Variants in TTLL11 observed in about 807,000 individuals in gnomAD.
TTLL11 encodes the protein tubulin tyrosine ligase like 11, also known as tubulin polyglutamylase TTLL11.
A neutral mutation model predicts 51.7 loss-of-function variants in TTLL11; 42 were observed. The observed-to-expected ratio is 0.81, with a 90% confidence interval of 0.64 to 1.05. The LOEUF is 1.05. Among genes scored for constraint, TTLL11 ranks in the 50% least tolerant of loss-of-function variants. The pLI is 0.00. For missense variants in TTLL11, 799 were observed against 940.4 expected, an observed-to-expected ratio of 0.85 and a Z score of 1.97; for synonymous variants, 381 against 383.5, an observed-to-expected ratio of 0.99 and a Z score of 0.08.
chr9:121,861,484 G>C (rs1327246052), intron 7 of TTLL11, among the ~76,000 whole-genome samples: 1 of 151,980 alleles, frequency 6.6e-6, no homozygotes, highest in East Asian at 1.9e-4. Context: ...CTATAAAACA[G>C]GTGGTCTTTA....
intron 8 of TTLL11, among the ~76,000 whole-genome samples, chr9:121,823,988 C>A (rs1836666365): frequency 6.6e-6 from 1 of 152,164 alleles, no homozygotes; most frequent in African/African-American, 2.4e-5. Flanking sequence ...GCGACTTGCT[C>A]TGTGTCTATC....
At chr9:121,859,725 G>A (rs575588260) in intron 8 of TTLL11, among the ~76,000 whole-genome samples, 1 of 152,276 alleles carries the variant, frequency 6.6e-6, no homozygotes, top group South Asian at 2.1e-4. Context: ...GCCCATCTGG[G>A]CTACTTGGTA....
At chr9:121,828,530 T>C (rs573854366) in intron 8 of TTLL11, among the ~76,000 whole-genome samples, 5 of 152,346 alleles carry the variant, frequency 3.3e-5, no homozygotes, top group Admixed American at 6.5e-5. Context: ...TATGTTGCTA[T>C]GCAGCCTTTA....
chr9:121,899,365 G>GTGTATATATATACATATATATA (rs1226221957), intron 6 of TTLL11, among the ~76,000 whole-genome samples: 72 of 113,134 alleles, frequency 6.4e-4, no homozygotes, highest in Non-Finnish European at 9.2e-4. Context: ...ATGTGTGTGT[G>GTGTATATATATACATATATATA]TATATATATA....
At chr9:122,024,627 C>G (rs2131789275) in intron 3 of TTLL11, among the ~76,000 whole-genome samples, 1 of 152,288 alleles carries the variant, frequency 6.6e-6, no homozygotes, top group East Asian at 1.9e-4. Flanking sequence ...TATACCTACA[C>G]ATATTTGGAT....
At chr9:121,916,520 A>C (rs1840332754) in intron 6 of TTLL11, among the ~76,000 whole-genome samples, 1 of 139,652 alleles carries the variant, frequency 7.2e-6, no homozygotes, top group East Asian at 2.1e-4. Context: ...CAAAGCAATA[A>C]AGAAAAAAAA....
Position 121,989,671 on chromosome 9 carries a change from G to C in TTLL11, c.793C>G (p.Pro265Ala). 6.2e-7 allele frequency: 1 copy of C among 1,614,110 alleles called. No homozygotes were observed. Among genetic ancestry groups the C allele is most frequent in the Non-Finnish European group, 8.5e-7 (1 of 1,180,032 alleles). ...QGDGIYLIKD[P>A]SDIRLAGTLQ... ...GTCCCTGCCAGGCGGATGTCACTGGGGTCTTTAATGAGGTAGATTCCATCA... is the reference window on the plus strand; with the variant it reads ...GTCCCTGCCAGGCGGATGTCACTGGCGTCTTTAATGAGGTAGATTCCATCA... Residue 265 changes from proline to alanine, a missense_variant, in exon 4 of 9, where the codon CCC (proline) becomes GCC (alanine). Transcript: ENST00000321582. This position sits in a 1 kb window ranked among gnomAD's most constrained non-coding sequence, Gnocchi z 4.2.
intron 8 of TTLL11, among the ~76,000 whole-genome samples, chr9:121,835,487 T>C (rs939313503): frequency 2.0e-5 from 3 of 152,202 alleles, no homozygotes; most frequent in African/African-American, 7.2e-5. Flanking sequence ...GAACAGAAGT[T>C]GCACATGTGC....
In TTLL11 at chr9:122,057,417, G is replaced by T. The variant is rs899824375; in HGVS notation, c.463-18049C>A. On this transcript the variant is annotated intron_variant, in intron 1 of 8. Coordinates refer to ENST00000321582, the MANE Select transcript of TTLL11 (RefSeq NM_001139442.2). ...GCTCACTGCAACCTCCGGCTCCCGG[G>T]TTCAAGCAATTCTCCTGCCTCAGCC... Among the ~76,000 whole-genome samples, 3 of 150,730 alleles carry T rather than the reference G, an allele frequency of 2.0e-5. No homozygotes were observed. In the East Asian group the frequency reaches 5.8e-4, roughly 29 times the overall value.
At chr9:121,977,759 C>G (rs993728029) in intron 4 of TTLL11, among the ~76,000 whole-genome samples, 3 of 151,798 alleles carry the variant, frequency 2.0e-5, no homozygotes, top group African/African-American at 7.3e-5. Context: ...ACTGCAACCT[C>G]CGCCTCCCAG....
At chr9:122,019,615 A>T (rs749965139) in intron 3 of TTLL11, among the ~76,000 whole-genome samples, 4 of 152,038 alleles carry the variant, frequency 2.6e-5, no homozygotes, top group Non-Finnish European at 5.9e-5. Context: ...ACACCCGGTA[A>T]ATCGTTCATA....
chr9:121,935,647 G>C (rs1588137786), intron 6 of TTLL11, among the ~76,000 whole-genome samples: 1 of 152,218 alleles, frequency 6.6e-6, no homozygotes, highest in East Asian at 1.9e-4. Flanking sequence ...AGTGGATGAG[G>C]AGAAAATAAG....
intron 1 of TTLL11, among the ~76,000 whole-genome samples, chr9:122,065,808 G>A (rs1845568746): frequency 6.6e-6 from 1 of 152,196 alleles, no homozygotes; most frequent in South Asian, 2.1e-4. Flanking sequence ...ATTAACAAAT[G>A]TTTGTCAATG....
chr9:121,994,506 G>T (rs1360233009), intron 3 of TTLL11, among the ~76,000 whole-genome samples: 1 of 152,144 alleles, frequency 6.6e-6, no homozygotes, highest in African/African-American at 2.4e-5. Context: ...GGGAGAGGGA[G>T]GCCCAGAGAT....
chr9:121,908,266 T>G (rs956241122), intron 6 of TTLL11, among the ~76,000 whole-genome samples: 3 of 152,224 alleles, frequency 2.0e-5, no homozygotes, highest in Non-Finnish European at 4.4e-5. Flanking sequence ...AATCTCAGTT[T>G]TCCCATCTGT....
At chr9:122,017,033 G>A (rs1844008322) in intron 3 of TTLL11, among the ~76,000 whole-genome samples, 1 of 152,148 alleles carries the variant, frequency 6.6e-6, no homozygotes. Context: ...CAAATGAAGA[G>A]CAGGGTAACA....
chr9:121,838,750 AAGAAAGAG>A (rs1461300654), intron 8 of TTLL11, among the ~76,000 whole-genome samples: 11 of 151,680 alleles, frequency 7.3e-5, no homozygotes, highest in African/African-American at 2.2e-4. Flanking sequence ...GAAAGAGAGA[AAGAAAGAG>A]AGAAAGCAAG....
chr9:121,989,802 T>C lies in TTLL11; in HGVS notation c.694-32A>G. On this transcript the variant is annotated intron_variant, in intron 3 of 8. Coordinates refer to ENST00000321582, the MANE Select transcript of TTLL11 (RefSeq NM_001139442.2). The surrounding 1 kb of genome is among the most constrained non-coding windows in gnomAD (Gnocchi z 4.2). ...GGGGAAAAAAGGATGGCCGACATTA[T>C]ATTGTTTTCCCTCTGGATCCCTAAC... The C allele has an allele frequency of 1.9e-6, 3 of 1,558,822 alleles. No homozygotes were observed. The highest frequency in any genetic ancestry group is 2.6e-6 in the Non-Finnish European group (3 of 1,153,866).
intron 8 of TTLL11, among the ~76,000 whole-genome samples, chr9:121,830,772 C>A (rs1054127546): frequency 6.6e-6 from 1 of 152,184 alleles, no homozygotes; most frequent in Non-Finnish European, 1.5e-5. Context: ...ATAGAGGAGA[C>A]CTGGAAGGTT....
Sources: gnomAD v4.1 joint callset for allele counts (sites outside exome capture counted in the v4.1 genomes callset) on GRCh38, gnomAD v4.1.1 for gene constraint, Gnocchi (gnomAD v3.1) non-coding constraint, MANE v1.5 for transcripts, NCBI Gene and HGNC (gene_info 2026-07-23, HGNC 2026-07-21) for gene names.